Variants in ANKRD36C observed in about 807,000 individuals in gnomAD.
ANKRD36C encodes ankyrin repeat domain 36C.
A neutral mutation model predicts 276.4 loss-of-function variants in ANKRD36C; 61 were observed. The ratio of observed to expected loss-of-function variants is 0.22; its 90% CI spans 0.18 to 0.27. ANKRD36C has a LOEUF of 0.27. Among genes scored for constraint, ANKRD36C ranks in the 10% least tolerant of loss-of-function variants. The pLI is 1.00. For synonymous variants in ANKRD36C, 483 were observed against 680.1 expected, an observed-to-expected ratio of 0.71 and a Z score of 4.51; for missense variants, 1,447 against 2,032.3, an observed-to-expected ratio of 0.71 and a Z score of 5.54.
intron 36 of ANKRD36C, among the ~76,000 whole-genome samples, 185 bp downstream of exon 38, chr2:95,917,670 C>T (rs1316433162): frequency 6.6e-6 from 1 of 151,580 alleles, no homozygotes; most frequent in African/African-American, 2.4e-5. Context: ...GCAAAGATCA[C>T]GTTCCAAGCC....
At chr2:95,867,362 A>G (rs543430091) in intron 60 of ANKRD36C, 78 bp downstream of exon 80, 2 of 598,890 alleles carry the variant, frequency 3.3e-6, no homozygotes, top group South Asian at 2.0e-5. Flanking sequence ...TCAGTACTCT[A>G]TGGTACAGTG....
chr2:95,928,265 G>A (rs1201650981), intron 26 of ANKRD36C, among the ~76,000 whole-genome samples: 2 of 151,576 alleles, frequency 1.3e-5, no homozygotes, highest in African/African-American at 2.4e-5. Flanking sequence ...TATCATGTTA[G>A]TCTCTAAGGA....
intron 44 of ANKRD36C, among the ~76,000 whole-genome samples, 157 bp downstream of exon 64, chr2:95,893,376 G>A (rs1676432722): frequency 1.3e-5 from 2 of 151,200 alleles, no homozygotes; most frequent in African/African-American, 4.9e-5. Context: ...CAGACCAGCA[G>A]CATCAGCATC....
At chr2:95,921,233 A>G (rs1573768705) in intron 34 of ANKRD36C, among the ~76,000 whole-genome samples, 1 of 150,572 alleles carries the variant, frequency 6.6e-6, no homozygotes, top group Admixed American at 6.6e-5. Flanking sequence ...GTCTTTTCTC[A>G]GCAGTACGAT....
chr2:95,928,863 A>G (rs1454177463), intron 26 of ANKRD36C, among the ~76,000 whole-genome samples: 1 of 151,430 alleles, frequency 6.6e-6, no homozygotes, highest in Non-Finnish European at 1.5e-5. Flanking sequence ...CCCAATTTCA[A>G]TGTAGGGAAG....
At chr2:95,917,732 T>G in intron 36 of ANKRD36C, 123 bp downstream of exon 38, 1 of 1,282,856 alleles carries the variant, frequency 7.8e-7, no homozygotes, top group Non-Finnish European at 1.1e-6. Context: ...CTCTCAGGAC[T>G]GCTGGATCAG....
In ANKRD36C at chr2:95,984,510, G is replaced by T. The variant is rs375501730; in HGVS notation, c.487-2148C>A. On this transcript the variant is annotated intron_variant, in intron 3 of 66. Coordinates refer to ENST00000456556, the Ensembl canonical transcript of ANKRD36C. ...GACCTTGTATTTTTATATTTGCTGT[G>T]GATATGTCTCCAAGCGATTGTATGT... is the stretch of plus-strand genomic sequence containing the variant. Among the ~76,000 whole-genome samples, 7 of 152,222 alleles carry T rather than the reference G, an allele frequency of 4.6e-5. No homozygotes were observed. The East Asian group carries it at 9.6e-4, about 21-fold the overall frequency.
At chr2:95,921,971 A>C (rs1321091111) in intron 32 of ANKRD36C, among the ~76,000 whole-genome samples, 161 bp from the exon 33 acceptor site, 1 of 151,660 alleles carries the variant, frequency 6.6e-6, no homozygotes, top group Non-Finnish European at 1.5e-5. Context: ...AAATATACTA[A>C]AGAAAACAGG....
intron 3 of ANKRD36C, 59 bp downstream of exon 3, chr2:95,986,692 G>A: frequency 2.8e-6 from 4 of 1,449,358 alleles, no homozygotes; most frequent in African/African-American, 1.4e-5. Flanking sequence ...CCTTACATGT[G>A]TCAATGTTAA....
At chr2:95,896,517 G>C (rs1182321630) in intron 44 of ANKRD36C, among the ~76,000 whole-genome samples, 1 of 149,638 alleles carries the variant, frequency 6.7e-6, no homozygotes, top group Non-Finnish European at 1.5e-5. Flanking sequence ...GTAGCTCCTT[G>C]AACAAGGAAG....
intron 58 of ANKRD36C, among the ~76,000 whole-genome samples, chr2:95,878,437 G>T (rs1194113055): frequency 5.3e-5 from 8 of 151,960 alleles, no homozygotes; most frequent in East Asian, 1.9e-4. Flanking sequence ...AAAAAAATAG[G>T]TTTCTTAGTA....
At chr2:95,952,397 G>C (rs541262647) in intron 14 of ANKRD36C, among the ~76,000 whole-genome samples, 71 of 5,730 alleles carry the variant, frequency 0.012, no homozygotes, top group African/African-American at 0.017. Context: ...GAGAGAGAGA[G>C]AGGGAAAGAA....
chr2:95,967,332 T>C (rs1678612583), intron 6 of ANKRD36C, among the ~76,000 whole-genome samples: 1 of 152,158 alleles, frequency 6.6e-6, no homozygotes, highest in African/African-American at 2.4e-5. Flanking sequence ...GCAAAGGATA[T>C]GAACAGACAC....
chr2:95,889,096 A>G (rs1053634253), intron 48 of ANKRD36C, among the ~76,000 whole-genome samples: 1 of 151,554 alleles, frequency 6.6e-6, no homozygotes. Flanking sequence ...ACTGAAATCA[A>G]CAAAACAAGT....
At chr2:95,924,003 C>G (rs1191748657) in intron 30 of ANKRD36C, among the ~76,000 whole-genome samples, 1 of 151,650 alleles carries the variant, frequency 6.6e-6, no homozygotes, top group East Asian at 1.9e-4. Flanking sequence ...AGGAGCAACT[C>G]ATACACCTGA....
At chr2:95,862,242 A>G (rs1675603616) in intron 60 of ANKRD36C, among the ~76,000 whole-genome samples, 1 of 152,056 alleles carries the variant, frequency 6.6e-6, no homozygotes, top group South Asian at 2.1e-4. Flanking sequence ...CCAAGTACCC[A>G]CGGAACACTT....
At chr2:95,867,314 A>G (rs1487284311) in intron 60 of ANKRD36C, 126 bp downstream of exon 80, 3 of 725,338 alleles carry the variant, frequency 4.1e-6, no homozygotes, top group Admixed American at 5.8e-5. Flanking sequence ...CTATTTTAAC[A>G]TAAGGCATAT....
intron 19 of ANKRD36C, 138 bp downstream of exon 19, chr2:95,944,489 A>C: frequency 3.4e-6 from 3 of 879,000 alleles, no homozygotes. Context: ...GCAAGTGAAT[A>C]AAGCATGGGA....
chr2:95,917,694 C>T (rs1436174873), intron 36 of ANKRD36C, among the ~76,000 whole-genome samples, 161 bp downstream of exon 38: 14 of 151,498 alleles, frequency 9.2e-5, no homozygotes, highest in East Asian at 3.9e-4. Flanking sequence ...AGCATTAGCG[C>T]CACCCAAGAA....
Sources: gnomAD v4.1 joint callset for allele counts (sites outside exome capture counted in the v4.1 genomes callset) on GRCh38, gnomAD v4.1.1 for gene constraint, MANE v1.5 for transcripts, NCBI Gene and HGNC (gene_info 2026-07-23, HGNC 2026-07-21) for gene names.